VPS50: variants seen among roughly 807,000 people sequenced by gnomAD.
The protein encoded by VPS50 is syndetin.
VPS50 carries 70 observed loss-of-function variants against 139.7 expected under a neutral mutation model. The observed-to-expected ratio is 0.50, with a 90% confidence interval of 0.41 to 0.61. The LOEUF (loss-of-function observed/expected upper bound fraction) is 0.61, where lower values mean the gene tolerates loss of function less well. Ranked by LOEUF, VPS50 falls within the 20% of genes least tolerant of loss-of-function variation. The pLI is 0.00. For missense variants in VPS50, 921 were observed against 1,133.7 expected, an observed-to-expected ratio of 0.81 and a Z score of 2.69; for synonymous variants, 365 against 376.7, an observed-to-expected ratio of 0.97 and a Z score of 0.36.
chr7:93,308,947 T>C lies in VPS50; in HGVS notation c.1748+5T>C, dbSNP rs1412317778. The C allele has an allele frequency of 2.1e-6, 3 of 1,428,592 alleles. No individual in the cohort carries two copies. The highest frequency in any genetic ancestry group is 2.3e-5 in the East Asian group (1 of 43,896). The allele number at this position is 1,428,592 out of a possible 1,614,324, so 88.5% of individuals were successfully genotyped here. A position where few individuals can be genotyped will look rare whatever the true frequency, so the allele number is the denominator to read the frequency against. On this transcript the variant is annotated splice_donor_5th_base_variant and intron_variant, in intron 19 of 27. Transcript: ENST00000305866. ...AGGAGATGGTCCTGTGAAAAGGTGA[T>C]TGTTCTTAAATTGTGTGGTATTTAG...
At chr7:93,259,450 C>G in intron 8 of VPS50, 100 bp from the exon 9 acceptor site, 1 of 583,452 alleles carries the variant, frequency 1.7e-6, no homozygotes, top group South Asian at 2.7e-5. Context: ...TTTTTTGATT[C>G]TGTAACTTTT....
intron 22 of VPS50, among the ~76,000 whole-genome samples, chr7:93,334,415 A>AG (rs1313079595): frequency 2.0e-5 from 3 of 152,214 alleles, no homozygotes; most frequent in African/African-American, 7.2e-5. Context: ...ATCTAGCACA[A>AG]GTTCAAAGAA....
chr7:93,269,953 C>G (rs1440489961), intron 9 of VPS50, among the ~76,000 whole-genome samples: 1 of 151,864 alleles, frequency 6.6e-6, no homozygotes, highest in African/African-American at 2.4e-5. Flanking sequence ...TTTTAAAAAC[C>G]TTTGATTTTG....
intron 23 of VPS50, among the ~76,000 whole-genome samples, chr7:93,343,357 T>C (rs1361658915): frequency 6.6e-6 from 1 of 152,126 alleles, no homozygotes. Flanking sequence ...CTACGTCTGA[T>C]TGGTGTACCT....
Position 93,271,276 on chromosome 7 carries a change from T to C in VPS50, c.702+14T>C, listed in dbSNP as rs754754612. 2 of 1,537,436 alleles carry C rather than the reference T, an allele frequency of 1.3e-6. No individual in the cohort carries two copies. The highest frequency in any genetic ancestry group is 1.7e-6 in the Non-Finnish European group (2 of 1,151,382). ...GAACAGATTGAGGTAAGAAGTATTA[T>C]ATCCTAACCTTAATGAGTTTTTCTT... is the stretch of plus-strand genomic sequence containing the variant. On this transcript the variant is annotated intron_variant, in intron 10 of 27. Transcript: ENST00000305866.
At chr7:93,345,187 A>T (rs931928367) in intron 23 of VPS50, among the ~76,000 whole-genome samples, 3 of 152,246 alleles carry the variant, frequency 2.0e-5, no homozygotes, top group African/African-American at 7.2e-5. Context: ...ACCTTCAGAG[A>T]ATACTACAAA....
At chr7:93,237,746 A>C (rs1293314432) in intron 1 of VPS50, among the ~76,000 whole-genome samples, 1 of 152,150 alleles carries the variant, frequency 6.6e-6, no homozygotes, top group East Asian at 1.9e-4. Context: ...ATGGGTTTAA[A>C]AATTTTTTTT....
rs1797184021 is a variant in VPS50 at position 93,308,703 on chromosome 7, A to T, written c.1630-121A>T. On this transcript the variant is annotated intron_variant, in intron 18 of 27. Transcript: ENST00000305866. ...GATTCTTGGTGACAACATTAAAGCTAAATTAAGAATTTTCTTGTATTTAGC... is the reference window on the plus strand; with the variant it reads ...GATTCTTGGTGACAACATTAAAGCTTAATTAAGAATTTTCTTGTATTTAGC... The T allele has an allele frequency of 6.6e-6, 3 of 456,322 alleles. No homozygotes were observed. The South Asian group carries it at 1.3e-4, about 20-fold the overall frequency. 28.3% of individuals were successfully genotyped at this position (456,322 alleles called of 1,614,324 possible). A position where few individuals can be genotyped will look rare whatever the true frequency, so the allele number is the denominator to read the frequency against.
At chr7:93,291,601 G>T in intron 12 of VPS50, 102 bp from the exon 13 acceptor site, 1 of 651,090 alleles carries the variant, frequency 1.5e-6, no homozygotes, top group Non-Finnish European at 2.3e-6. Context: ...AATTTTCTTG[G>T]TTATTTCTAA....
At chr7:93,344,093 G>T (rs866426828) in intron 23 of VPS50, among the ~76,000 whole-genome samples, 42 of 152,038 alleles carry the variant, frequency 2.8e-4, no homozygotes, top group African/African-American at 7.0e-4. Flanking sequence ...CCATCTCACG[G>T]GCAGAGACAC....
chr7:93,315,949 A>C (rs1221894075), intron 20 of VPS50, among the ~76,000 whole-genome samples: 1 of 152,108 alleles, frequency 6.6e-6, no homozygotes, highest in South Asian at 2.1e-4. Context: ...CAAGGGAAAT[A>C]AATACAAAAT....
intron 21 of VPS50, among the ~76,000 whole-genome samples, chr7:93,331,715 A>G (rs2117041577): frequency 6.6e-6 from 1 of 152,344 alleles, no homozygotes; most frequent in African/African-American, 2.4e-5. Context: ...AGCATGAAGC[A>G]TAAAAGAAAA....
chr7:93,337,785 C>T (rs141669929), intron 22 of VPS50, among the ~76,000 whole-genome samples: 127 of 152,210 alleles, frequency 8.3e-4, no homozygotes, highest in African/African-American at 2.8e-3. Flanking sequence ...TTAACCTGTA[C>T]AGCATTCATA....
At chr7:93,247,131 T>G (rs1421767769) in intron 2 of VPS50, among the ~76,000 whole-genome samples, 1 of 151,922 alleles carries the variant, frequency 6.6e-6, no homozygotes, top group African/African-American at 2.4e-5. Flanking sequence ...ATATGCAACC[T>G]TATTGCATGT....
At chr7:93,266,500 T>C (rs1290178824) in intron 9 of VPS50, among the ~76,000 whole-genome samples, 3 of 152,210 alleles carry the variant, frequency 2.0e-5, no homozygotes, top group African/African-American at 7.2e-5. Context: ...TTCTTGTGAG[T>C]GTATGTGTGT....
In VPS50 at chr7:93,360,819, A is replaced by C. The variant is rs1447283200; in HGVS notation, c.*2383A>C. The C allele has an allele frequency of 6.6e-6, 1 of 152,096 alleles. No individual in the cohort carries two copies. Among genetic ancestry groups the C allele is most frequent in the East Asian group, 1.9e-4 (1 of 5,196 alleles). The allele number at this position is 152,096 out of a possible 1,614,324, so 9.4% of individuals were successfully genotyped here. A position where few individuals can be genotyped will look rare whatever the true frequency, so the allele number is the denominator to read the frequency against. On this transcript the variant is annotated 3_prime_UTR_variant, in exon 28 of 28. Transcript: ENST00000305866. ...TTGCATTTAAAAATGCTAGGGGGGC[A>C]CATAGCAATTCAAATGAACTAGTTT...
chr7:93,250,698 T>C (rs148377287), intron 2 of VPS50, among the ~76,000 whole-genome samples: 1 of 152,202 alleles, frequency 6.6e-6, no homozygotes, highest in East Asian at 1.9e-4. Flanking sequence ...ACAAATGGGA[T>C]CTGATTAAAC....
At chr7:93,343,241 A>G (rs1798281501) in intron 23 of VPS50, among the ~76,000 whole-genome samples, 1 of 152,234 alleles carries the variant, frequency 6.6e-6, no homozygotes, top group Non-Finnish European at 1.5e-5. Flanking sequence ...CAGCGATGGA[A>G]GATGAAATGA....
At chr7:93,297,072 G>A (rs1248059841) in intron 15 of VPS50, 73 bp from the exon 16 acceptor site, 64 of 1,507,630 alleles carry the variant, frequency 4.2e-5, no homozygotes, top group Non-Finnish European at 5.3e-5. Context: ...TATCTTTGAA[G>A]AAAGAGAAAC....
Sources: allele counts gnomAD v4.1 joint callset (sites outside exome capture counted in the v4.1 genomes callset), GRCh38; gene constraint gnomAD v4.1.1; transcripts MANE v1.5; gene names NCBI Gene and HGNC (gene_info 2026-07-23, HGNC 2026-07-21).